The following CLPB variants were observed in gnomAD, a reference collection of about 807,000 sequenced individuals.
CLPB encodes the protein ClpB family mitochondrial disaggregase.
CLPB carries 40 observed loss-of-function variants against 78.4 expected under a neutral mutation model. The ratio of observed to expected loss-of-function variants is 0.51; its 90% confidence interval spans 0.40 to 0.66. The LOEUF is 0.66. Ranked by LOEUF, CLPB falls within the 30% of genes least tolerant of loss-of-function variation. The probability of loss-of-function intolerance (pLI) is 0.00; values close to 1 mark genes in which losing one functional copy is unlikely to be tolerated. For missense variants in CLPB, 780 were observed against 886.9 expected (o/e 0.88, Z 1.53); for synonymous variants, 333 against 348.0 (o/e 0.96, Z 0.48).
chr11:72,401,477 A>G (rs1855559563), intron 3 of CLPB, among the ~76,000 whole-genome samples: 1 of 152,156 alleles, frequency 6.6e-6, no homozygotes, highest in African/African-American at 2.4e-5. Flanking sequence ...AGAAAAAAGA[A>G]AAAAGAATAG....
intron 3 of CLPB, among the ~76,000 whole-genome samples, chr11:72,387,191 G>A (rs900803945): frequency 5.9e-5 from 9 of 152,126 alleles, no homozygotes; most frequent in Non-Finnish European, 1.2e-4. Context: ...ATAAGTAAAT[G>A]GAGAGAAGGG....
chr11:72,293,531 C>G lies in CLPB; in HGVS notation c.1870G>C (p.Glu624Gln), dbSNP rs1949489503. The change falls in exon 16 of 16, where the codon GAG becomes CAG. Residue 624 changes from glutamate to glutamine, a missense_variant. Transcript: ENST00000538039. ...PGGCTLRITV[E>Q]DSDKQLLKSP... ...TTGAGTAGCTGCTTGTCTGAGTCCT[C>G]CACCGTGATGCGCAAAGTACAGCCC... 1 of 1,614,118 alleles carries G rather than the reference C, an allele frequency of 6.2e-7. No homozygotes were observed. The highest frequency in any genetic ancestry group is 8.5e-7 in the Non-Finnish European group (1 of 1,180,022).
intron 3 of CLPB, among the ~76,000 whole-genome samples, chr11:72,380,737 C>T (rs778666854): frequency 1.4e-4 from 21 of 152,176 alleles, no homozygotes; most frequent in Middle Eastern, 3.2e-3. Context: ...TTACTTAACA[C>T]CTTTCTAAGG....
Position 72,359,199 on chromosome 11 carries a change from A to G in CLPB, c.647-191T>C, listed in dbSNP as rs181446184. 3.0e-4 allele frequency: 225 copies of G among 740,276 alleles called. 1 individual carries two copies. In the African/African-American group the frequency reaches 3.6e-3, roughly 12 times the overall value. The allele number at this position is 740,276 out of a possible 1,614,324, so 45.9% of individuals were successfully genotyped here. A position where few individuals can be genotyped will look rare whatever the true frequency, so the allele number is the denominator to read the frequency against. The stretch of plus-strand genomic sequence containing the variant: ...AAAACAGAGGCCAGTTAGTTCCACA[A>G]TGTTTACTGACATCTGTTATGTGTT... On this transcript the variant is annotated intron_variant, in intron 4 of 15. Transcript: ENST00000538039.
At chr11:72,379,597 C>G (rs1181681831) in intron 4 of CLPB, among the ~76,000 whole-genome samples, 2 of 152,128 alleles carry the variant, frequency 1.3e-5, no homozygotes, top group Admixed American at 6.5e-5. Context: ...CATCCCAGAG[C>G]CTCTTCATTC....
intron 4 of CLPB, among the ~76,000 whole-genome samples, chr11:72,371,533 A>AAAAT: frequency 7.9e-6 from 1 of 126,122 alleles, no homozygotes; most frequent in Admixed American, 8.2e-5. Context: ...ACTCTGTCTC[A>AAAAT]AAAATAAAAT....
At position 72,431,257 on chromosome 11, in the gene CLPB, A is replaced by G. The variant is rs186142100; in HGVS notation, c.404-894T>C. ...TTTCAAATAGCTCAATACCAGGTAC[A>G]TGGAGCCCTCTGTGCCCAGCCTGGT... On this transcript the variant is annotated intron_variant, in intron 1 of 15. Coordinates refer to ENST00000538039, the MANE Select transcript of CLPB (RefSeq NM_001258392.3). Among the ~76,000 whole-genome samples, 793 of 152,308 alleles carry G rather than the reference A, an allele frequency of 5.2e-3. 35 individuals are homozygous for G. Among genetic ancestry groups the G allele is most frequent in the Non-Finnish European group, 1.1e-3 (72 of 68,024 alleles).
chr11:72,346,757 C>A (rs1373854842), intron 5 of CLPB, among the ~76,000 whole-genome samples: 1 of 151,786 alleles, frequency 6.6e-6, no homozygotes, highest in Non-Finnish European at 1.5e-5. Flanking sequence ...ATGGGTGGAT[C>A]ACCTGAGGTC....
intron 11 of CLPB, among the ~76,000 whole-genome samples, chr11:72,297,540 C>G (rs1227101603): frequency 2.6e-5 from 4 of 152,114 alleles, no homozygotes; most frequent in Non-Finnish European, 5.9e-5. Flanking sequence ...AAGCAGATGT[C>G]CTTGAGCTTT....
chr11:72,286,221 C>CTTTTTTTTTTTTTTT lies in CLPB; in HGVS notation c.*7145_*7146insAAAAAAAAAAAAAAA, dbSNP rs1565413587. 12 of 59,118 alleles carry CTTTTTTTTTTTTTTT rather than the reference C, an allele frequency of 2.0e-4. No homozygotes were observed. Among genetic ancestry groups the CTTTTTTTTTTTTTTT allele is most frequent in the South Asian group, 6.2e-4 (1 of 1,624 alleles). 3.7% of individuals were successfully genotyped at this position (59,118 alleles called of 1,614,324 possible). ...AGATTACAGGTGTGAGATACTGCACCTGTTTTTTTTTTTTTTTTTTTTTTT... is the reference window on the plus strand; with the variant it reads ...AGATTACAGGTGTGAGATACTGCACCTTTTTTTTTTTTTTTTGTTTTTTTTTTTTTTTTTTTTTTT... On this transcript the variant is annotated 3_prime_UTR_variant, in exon 16 of 16. Coordinates refer to ENST00000538039, the MANE Select transcript of CLPB (RefSeq NM_001258392.3).
chr11:72,417,747 ATAC>A (rs1856064963), intron 2 of CLPB, among the ~76,000 whole-genome samples: 1 of 152,148 alleles, frequency 6.6e-6, no homozygotes, highest in Non-Finnish European at 1.5e-5. Flanking sequence ...GGGGACCTGA[ATAC>A]TGGAAAGGAA....
chr11:72,333,709 A>T (rs1950269257), intron 5 of CLPB, among the ~76,000 whole-genome samples: 1 of 152,150 alleles, frequency 6.6e-6, no homozygotes, highest in South Asian at 2.1e-4. Flanking sequence ...GGGGCTCAGG[A>T]AGGAACAAAG....
chr11:72,323,393 C>T (rs925839590), intron 6 of CLPB, among the ~76,000 whole-genome samples: 3 of 151,846 alleles, frequency 2.0e-5, no homozygotes, highest in Admixed American at 2.0e-4. Context: ...ATGGTGAAAC[C>T]TCGTCTTTAC....
At chr11:72,377,319 C>T (rs1470648753) in intron 4 of CLPB, among the ~76,000 whole-genome samples, 3 of 152,088 alleles carry the variant, frequency 2.0e-5, no homozygotes, top group African/African-American at 7.2e-5. Flanking sequence ...AAGAACATGA[C>T]GGCAGGGGAT....
chr11:72,302,430 A>G, intron 9 of CLPB, 82 bp from the exon 10 acceptor site: 1 of 1,200,742 alleles, frequency 8.3e-7, no homozygotes, highest in South Asian at 1.2e-5. Flanking sequence ...CACCTCAACT[A>G]TCCCCAAGGC....
At chr11:72,314,647 A>C (rs1447519797) in intron 7 of CLPB, among the ~76,000 whole-genome samples, 3 of 151,784 alleles carry the variant, frequency 2.0e-5, no homozygotes, top group Non-Finnish European at 4.4e-5. Flanking sequence ...CGATTAAGTC[A>C]TGTTATCTCC....
intron 6 of CLPB, among the ~76,000 whole-genome samples, chr11:72,325,716 C>A (rs1223216024): frequency 1.3e-5 from 2 of 152,052 alleles, no homozygotes; most frequent in Admixed American, 6.6e-5. Flanking sequence ...TCCTTCAGGG[C>A]CAAGTAGGAA....
intron 2 of CLPB, chr11:72,428,931 G>A (rs1305214706): frequency 2.0e-5 from 3 of 152,198 alleles, no homozygotes; most frequent in Non-Finnish European, 4.4e-5. Flanking sequence ...GCATCCCCTG[G>A]GGGATGGAAG....
chr11:72,332,427 T>C (rs977640353), intron 5 of CLPB, among the ~76,000 whole-genome samples: 3 of 151,896 alleles, frequency 2.0e-5, no homozygotes, highest in African/African-American at 4.8e-5. Flanking sequence ...AGGCAGGGGC[T>C]GCAGTGAGCT....
Sources: allele counts gnomAD v4.1 joint callset (sites outside exome capture counted in the v4.1 genomes callset), GRCh38; gene constraint gnomAD v4.1.1; transcripts MANE v1.5; gene names NCBI Gene and HGNC (gene_info 2026-07-23, HGNC 2026-07-21).